CACNA2D4: variants seen among roughly 807,000 people sequenced by gnomAD.
CACNA2D4 encodes the protein calcium voltage-gated channel auxiliary subunit alpha2delta 4, also known as voltage-dependent calcium channel subunit alpha-2/delta-4.
Under a neutral mutation model 163.8 loss-of-function variants are expected in CACNA2D4, and 157 were observed. The observed-to-expected ratio is 0.96, with a 90% CI of 0.84 to 1.09. CACNA2D4 has a LOEUF of 1.09. Ranked by LOEUF, CACNA2D4 falls within the 50% of genes least tolerant of loss-of-function variation. The pLI is 0.00. For missense variants in CACNA2D4, 1,410 were observed against 1,479.9 expected (o/e 0.95, Z 0.78); for synonymous variants, 598 against 586.9 (o/e 1.02, Z -0.27).
In CACNA2D4 at chr12:1,834,443, C is replaced by T; in HGVS notation, c.2551+6296G>A. 1 of 1,612,376 alleles carries T rather than the reference C, an allele frequency of 6.2e-7. No homozygotes were observed. Among genetic ancestry groups the T allele is most frequent in the Admixed American group, 1.7e-5 (1 of 60,018 alleles). On this transcript the variant is annotated intron_variant, in intron 26 of 37. Coordinates refer to ENST00000382722, the MANE Select transcript of CACNA2D4 (RefSeq NM_172364.5). The surrounding 1 kb of genome is among the most constrained non-coding windows in gnomAD (Gnocchi z 7.6). The stretch of plus-strand genomic sequence containing the variant: ...CAAGGCCAGTCCAGAGCCTGCTAAG[C>T]CCAAGCCCGGGGCTGAGCCGGAGCC...
chr12:1,891,166 C>A (rs140139564), intron 6 of CACNA2D4, among the ~76,000 whole-genome samples: 5 of 152,178 alleles, frequency 3.3e-5, no homozygotes, highest in South Asian at 4.1e-4. Flanking sequence ...CCAGTGTACA[C>A]CTCCCTGGGA....
At chr12:1,821,036 A>C (rs1592674066) in intron 26 of CACNA2D4, among the ~76,000 whole-genome samples, 1 of 152,212 alleles carries the variant, frequency 6.6e-6, no homozygotes, top group African/African-American at 2.4e-5. Flanking sequence ...AGTGCTGGGG[A>C]CAAGAGCTGT....
chr12:1,871,316 G>A (rs931204084), intron 18 of CACNA2D4, among the ~76,000 whole-genome samples: 3 of 151,630 alleles, frequency 2.0e-5, no homozygotes, highest in Non-Finnish European at 2.9e-5. Context: ...GTATACGTGT[G>A]TGCTGCTAGT....
chr12:1,902,522 G>A (rs114991979), intron 6 of CACNA2D4, among the ~76,000 whole-genome samples: 4,244 of 152,008 alleles, frequency 0.028, 188 homozygotes, highest in African/African-American at 0.097. Flanking sequence ...TAAAGTTTCA[G>A]GAGACAAAGT....
Position 1,834,509 on chromosome 12 carries a change from C to T in CACNA2D4, c.2551+6230G>A. 6.2e-7 allele frequency: 1 copy of T among 1,607,030 alleles called. No individual in the cohort carries two copies. The highest frequency in any genetic ancestry group is 8.5e-7 in the Non-Finnish European group (1 of 1,179,868). On this transcript the variant is annotated intron_variant, in intron 26 of 37. Transcript: ENST00000382722. The surrounding 1 kb of genome is among the most constrained non-coding windows in gnomAD (Gnocchi z 7.6). ...CTGCCCACAGAAGCAGAGGCACCGG[C>T]CGGCGAGCGTGAGGCGAGCCATGGG...
intron 26 of CACNA2D4, among the ~76,000 whole-genome samples, chr12:1,823,794 C>T (rs1023136337): frequency 9.9e-5 from 15 of 152,200 alleles, no homozygotes; most frequent in African/African-American, 3.6e-4. Flanking sequence ...AAAACAGCTG[C>T]CTTCTCAGCT....
Position 1,878,857 on chromosome 12 carries a change from C to T in CACNA2D4, c.1644+99G>A, listed in dbSNP as rs1865934502. 2.5e-6 allele frequency: 3 copies of T among 1,190,024 alleles called. No individual in the cohort carries two copies. The highest frequency in any genetic ancestry group is 5.0e-5 in the East Asian group (2 of 39,962). The allele number at this position is 1,190,024 out of a possible 1,614,324, so 73.7% of individuals were successfully genotyped here. A position where few individuals can be genotyped will look rare whatever the true frequency, so the allele number is the denominator to read the frequency against. On this transcript the variant is annotated intron_variant, in intron 15 of 37. Coordinates refer to ENST00000382722, the MANE Select transcript of CACNA2D4 (RefSeq NM_172364.5). The surrounding 1 kb of genome is among the most constrained non-coding windows in gnomAD (Gnocchi z 4.6). ...CAGTGATGGAGGGGCCCCACCCCAGCTCTGGGCTTGGCTTGCCTGGAGAGA... is the reference window on the plus strand; with the variant it reads ...CAGTGATGGAGGGGCCCCACCCCAGTTCTGGGCTTGGCTTGCCTGGAGAGA...
chr12:1,797,365 G>T, intron 35 of CACNA2D4, 53 bp downstream of exon 35: 1 of 1,341,866 alleles, frequency 7.5e-7, no homozygotes. Context: ...CTTCCGCCTT[G>T]CCGAGGGCGG....
In CACNA2D4 at chr12:1,844,620, C is replaced by T; in HGVS notation, c.2343-91G>A. The T allele has an allele frequency of 7.1e-7, 1 of 1,406,188 alleles. No homozygotes were observed. The highest frequency in any genetic ancestry group is 9.8e-7 in the Non-Finnish European group (1 of 1,024,334). The allele number at this position is 1,406,188 out of a possible 1,614,324, so 87.1% of individuals were successfully genotyped here. ...CTCACACAAGGTCAACTTGGCTGGG[C>T]TAAGAGAGTGATTTTAGCCCCTAAA... On this transcript the variant is annotated intron_variant, in intron 24 of 37. Coordinates refer to ENST00000382722, the MANE Select transcript of CACNA2D4 (RefSeq NM_172364.5). The surrounding 1 kb of genome is among the most constrained non-coding windows in gnomAD (Gnocchi z 4.2).
At chr12:1,796,745 G>C (rs1049005282) in intron 35 of CACNA2D4, among the ~76,000 whole-genome samples, 4 of 152,338 alleles carry the variant, frequency 2.6e-5, no homozygotes, top group African/African-American at 7.2e-5. Context: ...ACCGCCTGGC[G>C]AGCGGCACGT....
chr12:1,835,179 A>C, intron 26 of CACNA2D4: 1 of 161,902 alleles, frequency 6.2e-6, no homozygotes, highest in Admixed American at 6.0e-5. Flanking sequence ...CTAAGCCAGA[A>C]AGACGTTCTT....
chr12:1,907,226 TTTCA>T (rs377592099), intron 6 of CACNA2D4, among the ~76,000 whole-genome samples: 2 of 152,238 alleles, frequency 1.3e-5, no homozygotes, highest in Admixed American at 1.3e-4. Context: ...TGTTTGATGG[TTTCA>T]TTCATTCATT....
intron 18 of CACNA2D4, among the ~76,000 whole-genome samples, chr12:1,873,259 G>A (rs773361452): frequency 6.6e-6 from 1 of 152,130 alleles, no homozygotes; most frequent in Non-Finnish European, 1.5e-5. Context: ...CATCCTCATT[G>A]AACGTTCTTT....
At chr12:1,886,746 G>T (rs547119357) in intron 7 of CACNA2D4, among the ~76,000 whole-genome samples, 3 of 152,322 alleles carry the variant, frequency 2.0e-5, no homozygotes, top group South Asian at 2.1e-4. Flanking sequence ...CCTAACAAAA[G>T]GTTGACGTGG....
intron 6 of CACNA2D4, among the ~76,000 whole-genome samples, chr12:1,889,151 A>G (rs1374845538): frequency 2.6e-5 from 4 of 152,246 alleles, no homozygotes; most frequent in Non-Finnish European, 5.9e-5. Flanking sequence ...AAGAATGAGG[A>G]TAAAAGGAAA....
rs757609188 is a variant in CACNA2D4 at position 1,828,935 on chromosome 12, C to T, written c.2551+11804G>A. Among the ~76,000 whole-genome samples the T allele has an allele frequency of 3.9e-5, 6 of 152,236 alleles. No homozygotes were observed. The highest frequency in any genetic ancestry group is 4.8e-5 in the African/African-American group (2 of 41,460). ...TCAGCAAGGGCTGGTCTGCCCAAGG[C>T]TACACGGTGGCAGGGAGGAAACGGT... On this transcript the variant is annotated intron_variant, in intron 26 of 37. Coordinates refer to ENST00000382722, the MANE Select transcript of CACNA2D4 (RefSeq NM_172364.5). This position sits in a 1 kb window ranked among gnomAD's most constrained non-coding sequence, Gnocchi z 4.2.
At chr12:1,906,484 T>C (rs2154451931) in intron 6 of CACNA2D4, among the ~76,000 whole-genome samples, 1 of 152,292 alleles carries the variant, frequency 6.6e-6, no homozygotes, top group East Asian at 1.9e-4. Context: ...ATAAAAATAG[T>C]GCAATTCAAA....
At chr12:1,831,258 C>T (rs767359620) in intron 26 of CACNA2D4, 2 of 1,613,846 alleles carry the variant, frequency 1.2e-6, no homozygotes, top group South Asian at 2.2e-5. Context: ...CATCAGGACC[C>T]TGGACAGGGA....
chr12:1,821,645 C>T (rs574362022), intron 26 of CACNA2D4, among the ~76,000 whole-genome samples: 28 of 152,290 alleles, frequency 1.8e-4, no homozygotes, highest in African/African-American at 6.7e-4. Flanking sequence ...GGGGCCAGGC[C>T]TGCCTGGCTT....
Sources: gnomAD v4.1 joint callset for allele counts (sites outside exome capture counted in the v4.1 genomes callset) on GRCh38, gnomAD v4.1.1 for gene constraint, Gnocchi (gnomAD v3.1) non-coding constraint, MANE v1.5 for transcripts, NCBI Gene and HGNC (gene_info 2026-07-23, HGNC 2026-07-21) for gene names.